MPP7: variants seen among roughly 807,000 people sequenced by gnomAD.
MPP7 encodes the protein MAGUK p55 subfamily member 7.
Under a neutral mutation model 76.5 loss-of-function variants are expected in MPP7, and 60 were observed. The ratio of observed to expected loss-of-function variants is 0.78; its 90% CI spans 0.64 to 0.97. The LOEUF (loss-of-function observed/expected upper bound fraction) is 0.97, where lower values mean the gene tolerates loss of function less well. MPP7 is among the 50% of genes least tolerant of loss of function. The pLI is 0.00. For missense variants in MPP7, 641 were observed against 694.0 expected (o/e 0.92, Z 0.86); for synonymous variants, 237 against 244.5 (o/e 0.97, Z 0.29).
intron 3 of MPP7, among the ~76,000 whole-genome samples, chr10:28,156,526 C>T (rs955828332): frequency 6.6e-6 from 1 of 152,122 alleles, no homozygotes; most frequent in African/African-American, 2.4e-5. Context: ...GACATTTCTT[C>T]AAAAACAGTC....
At chr10:28,307,237 G>T (rs1275775175), upstream of MPP7, among the ~76,000 whole-genome samples, 1 of 152,194 alleles carries the variant, frequency 6.6e-6, no homozygotes, top group African/African-American at 2.4e-5. Context: ...AAGGCCGAAG[G>T]CTTGGATGGT....
intron 11 of MPP7, among the ~76,000 whole-genome samples, chr10:28,113,647 C>T (rs897622693): frequency 7.9e-5 from 12 of 152,230 alleles, no homozygotes; most frequent in African/African-American, 2.4e-4. Flanking sequence ...CAGACAGCCA[C>T]GACCACCTCC....
Position 28,277,983 on chromosome 10 carries a change from G to A in MPP7, c.-132+24878C>T, listed in dbSNP as rs533605600. Among the ~76,000 whole-genome samples the A allele has an allele frequency of 6.3e-4, 96 of 152,136 alleles. 2 individuals carry two copies. The highest frequency in any genetic ancestry group is 3.4e-3 in the Middle Eastern group (1 of 294). On this transcript the variant is annotated intron_variant, in intron 1 of 16. Coordinates refer to ENST00000683449, the MANE Select transcript of MPP7 (RefSeq NM_001318170.2). ...TTGAGTGACATGAAGAGCTATCCAC[G>A]TGAAATTGTCCAACAGGCTGCCAGG...
chr10:28,270,931 T>C (rs772677263), intron 1 of MPP7, among the ~76,000 whole-genome samples: 5 of 152,194 alleles, frequency 3.3e-5, no homozygotes, highest in Non-Finnish European at 7.3e-5. Flanking sequence ...ATTTGTTTTT[T>C]GGACTTTTTA....
chr10:28,129,515 G>C (rs1835125248), intron 6 of MPP7, among the ~76,000 whole-genome samples: 1 of 151,046 alleles, frequency 6.6e-6, no homozygotes, highest in African/African-American at 2.4e-5. Flanking sequence ...TTGAATCCAG[G>C]AAGCGGAGGT....
intron 5 of MPP7, among the ~76,000 whole-genome samples, chr10:28,146,412 T>G (rs1564657338): frequency 6.7e-6 from 1 of 150,262 alleles, no homozygotes; most frequent in Non-Finnish European, 1.5e-5. Flanking sequence ...TTTGTTTTTT[T>G]TTTTTTTGAG....
At chr10:28,137,482 T>C (rs1205785362) in intron 5 of MPP7, among the ~76,000 whole-genome samples, 1 of 152,244 alleles carries the variant, frequency 6.6e-6, no homozygotes, top group African/African-American at 2.4e-5. Flanking sequence ...ATAAAATGTT[T>C]TTAAATGAAG....
At chr10:28,261,674 C>CTGTT in intron 1 of MPP7, among the ~76,000 whole-genome samples, 1 of 98,120 alleles carries the variant, frequency 1.0e-5, no homozygotes. Context: ...GTACAAGAAA[C>CTGTT]TGATCATACA....
intron 3 of MPP7, among the ~76,000 whole-genome samples, chr10:28,162,180 A>G (rs1389630906): frequency 6.6e-6 from 1 of 152,206 alleles, no homozygotes; most frequent in Non-Finnish European, 1.5e-5. Context: ...TTTTCCATCA[A>G]ATTAATATTT....
chr10:28,281,112 C>G (rs1840658777), intron 1 of MPP7, among the ~76,000 whole-genome samples: 1 of 151,754 alleles, frequency 6.6e-6, no homozygotes, highest in Non-Finnish European at 1.5e-5. Flanking sequence ...CAGGGTCTCA[C>G]TCTGTCACCG....
intron 1 of MPP7, among the ~76,000 whole-genome samples, chr10:28,272,197 A>G (rs1054318010): frequency 6.6e-6 from 1 of 152,210 alleles, no homozygotes; most frequent in African/African-American, 2.4e-5. Context: ...CTATTCACCC[A>G]TCTTCAGCCA....
At chr10:28,285,407 A>C (rs1489115950) in intron 1 of MPP7, among the ~76,000 whole-genome samples, 1 of 151,960 alleles carries the variant, frequency 6.6e-6, no homozygotes, top group African/African-American at 2.4e-5. Context: ...CTGGTCTCCA[A>C]CTCCCGGCCT....
At chr10:28,112,875 T>G (rs1834547738) in intron 11 of MPP7, among the ~76,000 whole-genome samples, 1 of 152,150 alleles carries the variant, frequency 6.6e-6, no homozygotes, top group Non-Finnish European at 1.5e-5. Context: ...TTCTCATAAT[T>G]TTATGTTGCT....
chr10:28,100,786 C>G (rs1397674493), intron 11 of MPP7, among the ~76,000 whole-genome samples: 1 of 152,008 alleles, frequency 6.6e-6, no homozygotes, highest in Non-Finnish European at 1.5e-5. Context: ...TAAAAGATAT[C>G]AATTTGCAAT....
At chr10:28,106,134 T>C (rs1834317295) in intron 11 of MPP7, among the ~76,000 whole-genome samples, 2 of 152,250 alleles carry the variant, frequency 1.3e-5, no homozygotes, top group Non-Finnish European at 2.9e-5. Context: ...GATATCTGTA[T>C]GCTTAACTTC....
chr10:28,146,526 C>G (rs965095379), intron 5 of MPP7, among the ~76,000 whole-genome samples: 3 of 151,774 alleles, frequency 2.0e-5, no homozygotes, highest in Admixed American at 6.6e-5. Context: ...CTCAGCCTCC[C>G]GAGTAGCTGG....
chr10:28,207,416 G>A (rs903827935), intron 2 of MPP7, among the ~76,000 whole-genome samples: 1 of 152,134 alleles, frequency 6.6e-6, no homozygotes, highest in Admixed American at 6.6e-5. Flanking sequence ...TATATTGGGG[G>A]CTGGGCACAG....
chr10:28,191,033 A>G (rs144747585), intron 3 of MPP7, among the ~76,000 whole-genome samples: 10 of 152,316 alleles, frequency 6.6e-5, no homozygotes, highest in Non-Finnish European at 1.2e-4. Flanking sequence ...GATAAGTTAG[A>G]TGATATACAC....
chr10:28,196,553 C>T (rs996958563), intron 3 of MPP7, among the ~76,000 whole-genome samples: 1 of 151,508 alleles, frequency 6.6e-6, no homozygotes, highest in Non-Finnish European at 1.5e-5. Context: ...TCAAACATAA[C>T]CAAAACTAAA....
Sources: allele counts gnomAD v4.1 joint callset (sites outside exome capture counted in the v4.1 genomes callset), GRCh38; gene constraint gnomAD v4.1.1; transcripts MANE v1.5; gene names NCBI Gene and HGNC (gene_info 2026-07-23, HGNC 2026-07-21).